The following TMTC4 variants were observed in gnomAD, a reference collection of about 807,000 sequenced individuals.
The protein encoded by TMTC4 is transmembrane O-mannosyltransferase targeting cadherins 4, also known as protein O-mannosyl-transferase TMTC4.
In TMTC4, 65 loss-of-function variants were observed where a neutral mutation model predicts 86.0. That is an observed-to-expected ratio of 0.76 (90% CI 0.62 to 0.93). The LOEUF (loss-of-function observed/expected upper bound fraction) is 0.93. TMTC4 is among the 40% of genes least tolerant of loss of function. The pLI, the probability that TMTC4 is intolerant of heterozygous loss-of-function variation, is 0.00. For synonymous variants in TMTC4, 379 were observed against 382.5 expected, an observed-to-expected ratio of 0.99 and a Z score of 0.11; for missense variants, 866 against 948.1, an observed-to-expected ratio of 0.91 and a Z score of 1.14.
chr13:100,631,858 A>G (rs2138844897), intron 12 of TMTC4, among the ~76,000 whole-genome samples: 1 of 152,348 alleles, frequency 6.6e-6, no homozygotes, highest in Admixed American at 6.5e-5. Context: ...AAGTAAAGAT[A>G]ATTTTATGAC....
Position 100,625,947 on chromosome 13 carries a change from A to T in TMTC4, c.1587-55T>A, listed in dbSNP as rs564357681. ...ATTAAATGCTCAATAGTAAGTTTTTACTAAACTCTCAGGAATCGGTAAAGA... is the reference window on the plus strand; with the variant it reads ...ATTAAATGCTCAATAGTAAGTTTTTTCTAAACTCTCAGGAATCGGTAAAGA... On this transcript the variant is annotated intron_variant, in intron 13 of 18. Coordinates refer to ENST00000342624, the MANE Select transcript of TMTC4 (RefSeq NM_032813.5). The T allele has an allele frequency of 3.3e-5, 52 of 1,598,444 alleles. No homozygotes were observed. The South Asian group carries it at 5.7e-4, about 18-fold the overall frequency.
In TMTC4 at chr13:100,637,929, C is replaced by A. The variant is rs1882488450; in HGVS notation, c.834+1G>T. The A allele has an allele frequency of 1.2e-6, 2 of 1,610,364 alleles. No individual in the cohort carries two copies. Among genetic ancestry groups the A allele is most frequent in the Non-Finnish European group, 1.7e-6 (2 of 1,177,936 alleles). On this transcript the variant is annotated splice_donor_variant, in intron 8 of 18. Transcript: ENST00000342624. LOFTEE classifies it high-confidence loss of function. Reference sequence around the variant, plus strand: ...GGCTGGAGATAAAAGTACAGACTCACCTCTAATGACTTGTCCTTATGTAGT... The same window carrying A: ...GGCTGGAGATAAAAGTACAGACTCAACTCTAATGACTTGTCCTTATGTAGT...
intron 3 of TMTC4, among the ~76,000 whole-genome samples, chr13:100,667,471 G>C (rs1167444464): frequency 6.6e-6 from 1 of 152,080 alleles, no homozygotes; most frequent in Admixed American, 6.6e-5. Flanking sequence ...CATTAAAAAT[G>C]ATCTAGTGTG....
At position 100,605,977 on chromosome 13, in the gene TMTC4, A is replaced by AG. The variant is rs1308182270; in HGVS notation, c.2134+380dup. 3.9e-5 allele frequency among the ~76,000 whole-genome samples: 6 copies of AG among 152,208 alleles called. No homozygotes were observed. Among genetic ancestry groups the AG allele is most frequent in the Admixed American group, 3.9e-4 (6 of 15,272 alleles). ...CTGGAAGGGGAAGGTCTACTCTGTA[A>AG]GAAGGAAGGAAAAGGAGGTAAGTTC... On this transcript the variant is annotated intron_variant, in intron 18 of 18. Coordinates refer to ENST00000342624, the MANE Select transcript of TMTC4 (RefSeq NM_032813.5). This position sits in a 1 kb window ranked among gnomAD's most constrained non-coding sequence, Gnocchi z 4.3.
At position 100,626,073 on chromosome 13, in the gene TMTC4, T is replaced by G. The variant is rs763248913; in HGVS notation, c.1584A>C (p.Val528=). ...TAAIRYYREA[V]RLNPKYVHAM... ...TCTGTAAGACATACTCGCCATACCT[T>G]ACAGCTTCCCGGTAGTATCTGATGG... The change falls in exon 13 of 19, where the codon GTA becomes GTC. Residue 528 remains valine, a splice_region_variant and synonymous_variant. Coordinates refer to ENST00000342624, the MANE Select transcript of TMTC4 (RefSeq NM_032813.5). 1.2e-6 allele frequency: 2 copies of G among 1,614,240 alleles called. No homozygotes were observed. The highest frequency in any genetic ancestry group is 1.7e-5 in the Admixed American group (1 of 60,020).
intron 9 of TMTC4, among the ~76,000 whole-genome samples, chr13:100,637,268 T>C (rs1453755932): frequency 6.6e-6 from 1 of 152,076 alleles, no homozygotes; most frequent in Non-Finnish European, 1.5e-5. Flanking sequence ...TTCACGGGAC[T>C]GGCAAGGACC....
chr13:100,652,608 G>C (rs1869824602), intron 6 of TMTC4, among the ~76,000 whole-genome samples: 2 of 152,106 alleles, frequency 1.3e-5, no homozygotes, highest in South Asian at 4.2e-4. Flanking sequence ...GCTCTGTTTT[G>C]TTGTACTGAA....
intron 15 of TMTC4, among the ~76,000 whole-genome samples, chr13:100,621,582 C>T (rs145227421): frequency 4.5e-4 from 68 of 152,224 alleles, no homozygotes; most frequent in African/African-American, 1.5e-3. Flanking sequence ...CCTGCCACCA[C>T]GCCTGGCTAA....
rs140954326 is a variant in TMTC4, at chr13:100,636,532, C to T, written c.1202G>A (p.Arg401Lys). The T allele has an allele frequency of 5.0e-6, 8 of 1,614,098 alleles. No homozygotes were observed. Among genetic ancestry groups the T allele is most frequent in the African/African-American group, 1.3e-5 (1 of 74,938 alleles). Residue 401 changes from arginine (R) to lysine (K), a missense_variant and splice_region_variant, in exon 10 of 19, where the codon AGG becomes AAG. Transcript: ENST00000342624. ...CTTAAGATTCAGTGCTGCCTCTTAC[C>T]TTCTCTTGTGGCCGTCTTCAGAGCA... ...ALCSEDGHKR[R>K]ILTLGLGFLV... is the part of the protein sequence containing the mutation.
At chr13:100,639,168 G>A (rs117040824) in intron 7 of TMTC4, among the ~76,000 whole-genome samples, 2,501 of 152,216 alleles carry the variant, frequency 0.016, 26 homozygotes, top group Middle Eastern at 0.034. Context: ...TCTTCTTTGC[G>A]GCAAAGGAGA....
At chr13:100,622,492 GT>G (rs1175929273) in intron 15 of TMTC4, among the ~76,000 whole-genome samples, 3 of 152,126 alleles carry the variant, frequency 2.0e-5, no homozygotes, top group Non-Finnish European at 4.4e-5. Context: ...CATGGGGGTG[GT>G]TTCCCCCATA....
At chr13:100,659,392 C>G (rs1885494276) in intron 5 of TMTC4, among the ~76,000 whole-genome samples, 1 of 152,176 alleles carries the variant, frequency 6.6e-6, no homozygotes, top group South Asian at 2.1e-4. Flanking sequence ...CTCAGCTTCC[C>G]AAGTAGCTGG....
intron 15 of TMTC4, among the ~76,000 whole-genome samples, chr13:100,622,724 T>C (rs1046439950): frequency 4.6e-5 from 7 of 152,328 alleles, no homozygotes; most frequent in Non-Finnish European, 1.5e-5. Context: ...TTATCAGCAT[T>C]ATGAAAATGG....
intron 12 of TMTC4, 103 bp from the exon 13 acceptor site, chr13:100,626,253 A>G (rs1880517577): frequency 1.7e-6 from 2 of 1,204,876 alleles, no homozygotes; most frequent in African/African-American, 1.5e-5. Flanking sequence ...AGCGACGAGG[A>G]AAAAAAATCA....
intron 17 of TMTC4, 44 bp downstream of exon 17, chr13:100,612,353 AT>A (rs1175550949): frequency 2.1e-6 from 3 of 1,413,314 alleles, no homozygotes; most frequent in Non-Finnish European, 3.0e-6. Context: ...CTTCTGTCAG[AT>A]GCTGGCACTA....
chr13:100,653,916 C>T (rs1884750053), intron 6 of TMTC4, among the ~76,000 whole-genome samples: 2 of 152,324 alleles, frequency 1.3e-5, no homozygotes, highest in South Asian at 4.1e-4. Context: ...AAGATGCAAA[C>T]TACTGTAGTT....
chr13:100,626,178 A>G, intron 12 of TMTC4, 28 bp from the exon 13 acceptor site: 1 of 1,610,326 alleles, frequency 6.2e-7, no homozygotes, highest in Non-Finnish European at 8.5e-7. Context: ...TTGGGCCATC[A>G]GCAGACAGAC....
At chr13:100,625,159 G>T (rs1307092861) in intron 15 of TMTC4, 1 of 225,088 alleles carries the variant, frequency 4.4e-6, no homozygotes. Context: ...ATCATACTAC[G>T]GATTTGTTAC....
rs146154444 is a variant in TMTC4 at position 100,667,092 on chromosome 13, A to G, written c.219+1487T>C. On this transcript the variant is annotated intron_variant, in intron 3 of 18. Transcript: ENST00000342624. ...GAACTGAAACAGAATCATCTACAGT[A>G]ACTGCTGAGTGAATCTGAGGAAAAT... Among the ~76,000 whole-genome samples the G allele has an allele frequency of 2.3e-3, 351 of 152,342 alleles. 3 individuals carry two copies. Among genetic ancestry groups the G allele is most frequent in the African/African-American group, 7.8e-3 (325 of 41,590 alleles).
Sources: allele counts gnomAD v4.1 joint callset (sites outside exome capture counted in the v4.1 genomes callset), GRCh38; gene constraint gnomAD v4.1.1; non-coding constraint Gnocchi (gnomAD v3.1); transcripts MANE v1.5; gene names NCBI Gene and HGNC (gene_info 2026-07-23, HGNC 2026-07-21).